The following AFF3 variants were observed in gnomAD, a reference collection of about 807,000 sequenced individuals.
The protein encoded by AFF3 is ALF transcription elongation factor 3, also known as AF4/FMR2 family member 3.
Under a neutral mutation model 129.7 loss-of-function variants are expected in AFF3, and 32 were observed. The ratio of observed to expected loss-of-function variants is 0.25; its 90% CI spans 0.19 to 0.33. The LOEUF (loss-of-function observed/expected upper bound fraction) is 0.33. AFF3 is among the 10% of genes least tolerant of loss of function. The pLI is 1.00. For missense variants in AFF3, 1,373 were observed against 1,592.0 expected (o/e 0.86, Z 2.34); for synonymous variants, 644 against 635.4 (o/e 1.01, Z -0.20).
chr2:100,074,531 T>C (rs989088537), intron 4 of AFF3, among the ~76,000 whole-genome samples: 1 of 152,204 alleles, frequency 6.6e-6, no homozygotes, highest in Non-Finnish European at 1.5e-5. Context: ...TATGAAGCAA[T>C]AAGGTGACTT....
At chr2:99,659,701 T>G (rs569535337) in intron 12 of AFF3, among the ~76,000 whole-genome samples, 16 of 152,080 alleles carry the variant, frequency 1.1e-4, no homozygotes, top group African/African-American at 3.9e-4. Flanking sequence ...CATGTCAGAG[T>G]GACTGGAGCA....
At chr2:99,954,810 A>G (rs1284570746) in intron 7 of AFF3, among the ~76,000 whole-genome samples, 2 of 151,208 alleles carry the variant, frequency 1.3e-5, no homozygotes, top group East Asian at 3.9e-4. Context: ...GATATACCTA[A>G]AGCTAAATGA....
chr2:99,720,094 A>G (rs1678758927), intron 11 of AFF3, among the ~76,000 whole-genome samples: 1 of 152,182 alleles, frequency 6.6e-6, no homozygotes, highest in Admixed American at 6.5e-5. Context: ...TGTAGACCGC[A>G]GGCAGTCTTA....
chr2:99,849,507 A>G (rs1689985572), intron 7 of AFF3, among the ~76,000 whole-genome samples: 1 of 152,182 alleles, frequency 6.6e-6, no homozygotes, highest in Non-Finnish European at 1.5e-5. Context: ...TGATTTCTCT[A>G]GACCATACGT....
At chr2:99,826,033 G>C (rs1452299372) in intron 8 of AFF3, among the ~76,000 whole-genome samples, 4 of 151,854 alleles carry the variant, frequency 2.6e-5, no homozygotes, top group South Asian at 2.1e-4. Context: ...TTAATTTTTT[G>C]AGATGGAGTC....
At chr2:99,865,559 G>A (rs1039190117) in intron 7 of AFF3, among the ~76,000 whole-genome samples, 4 of 152,132 alleles carry the variant, frequency 2.6e-5, no homozygotes, top group African/African-American at 9.7e-5. Flanking sequence ...ATTATATGTA[G>A]GTCCAATGAT....
intron 18 of AFF3, 97 bp downstream of exon 18, chr2:99,578,230 G>T: frequency 6.9e-7 from 1 of 1,457,976 alleles, no homozygotes; most frequent in Non-Finnish European, 9.0e-7. Flanking sequence ...CCGCACTGTA[G>T]CTGAAGGTGG....
At chr2:99,745,385 T>C (rs1681071275) in intron 9 of AFF3, among the ~76,000 whole-genome samples, 1 of 152,212 alleles carries the variant, frequency 6.6e-6, no homozygotes, top group East Asian at 1.9e-4. Flanking sequence ...AAATTTAAAG[T>C]TCTAAAAATT....
At chr2:99,928,110 G>GT (rs1287863225) in intron 7 of AFF3, among the ~76,000 whole-genome samples, 1 of 152,182 alleles carries the variant, frequency 6.6e-6, no homozygotes, top group Non-Finnish European at 1.5e-5. Flanking sequence ...ACGTGGAACT[G>GT]TAAGTCCAAT....
intron 4 of AFF3, among the ~76,000 whole-genome samples, chr2:100,096,742 T>C (rs1690326304): frequency 8.9e-6 from 1 of 112,748 alleles, no homozygotes; most frequent in African/African-American, 3.7e-5. Flanking sequence ...CATACTGACC[T>C]ATGCTCTCAA....
chr2:99,567,117 A>G (rs1322281593), intron 19 of AFF3, among the ~76,000 whole-genome samples: 1 of 148,674 alleles, frequency 6.7e-6, no homozygotes, highest in Admixed American at 6.7e-5. Context: ...ACAGGTGTGC[A>G]CCACCACACC....
intron 12 of AFF3, among the ~76,000 whole-genome samples, chr2:99,654,741 A>G (rs1685593226): frequency 6.6e-6 from 1 of 152,176 alleles, no homozygotes; most frequent in Non-Finnish European, 1.5e-5. Context: ...ACTCCAGTCT[A>G]TGAGACAAAA....
chr2:99,991,562 G>A (rs1183765689), intron 7 of AFF3, among the ~76,000 whole-genome samples: 1 of 152,142 alleles, frequency 6.6e-6, no homozygotes, highest in Non-Finnish European at 1.5e-5. Flanking sequence ...GATGTATAAG[G>A]AGATGAAGAA....
At position 99,806,183 on chromosome 2, in the gene AFF3, C is replaced by T. The variant is rs567537308; in HGVS notation, c.921+31294G>A. ...CGATCAACTTGGTTTCTAGGGTAGT[C>T]CAATTTCAGCAGACTGCTCTAGCAC... On this transcript the variant is annotated intron_variant, in intron 8 of 24. Coordinates refer to ENST00000672756, the MANE Select transcript of AFF3 (RefSeq NM_001386135.1). Among the ~76,000 whole-genome samples, 11 of 152,274 alleles carry T rather than the reference C, an allele frequency of 7.2e-5. No individual in the cohort carries two copies. The East Asian group carries it at 1.5e-3, about 21-fold the overall frequency.
At chr2:100,105,448 C>T (rs1324800019) in intron 3 of AFF3, 56 bp downstream of exon 3, 88 of 1,321,634 alleles carry the variant, frequency 6.7e-5, no homozygotes, top group Non-Finnish European at 4.0e-6. Flanking sequence ...GGTGGTCCCA[C>T]CCACCCTCTA....
chr2:99,810,598 G>A (rs915567498), intron 8 of AFF3, among the ~76,000 whole-genome samples: 6 of 152,188 alleles, frequency 3.9e-5, no homozygotes, highest in Admixed American at 1.3e-4. Context: ...TTTTAAAGTA[G>A]TATCTGAAAT....
chr2:99,557,744 T>C (rs753464606), intron 22 of AFF3, among the ~76,000 whole-genome samples: 16 of 152,130 alleles, frequency 1.1e-4, no homozygotes, highest in Non-Finnish European at 1.9e-4. Context: ...TAGCACCTGG[T>C]TACTCTACAT....
At chr2:99,933,805 T>C (rs559324857) in intron 7 of AFF3, among the ~76,000 whole-genome samples, 2 of 152,302 alleles carry the variant, frequency 1.3e-5, no homozygotes, top group Non-Finnish European at 2.9e-5. Flanking sequence ...GCAATAAACA[T>C]ACATGTACAT....
chr2:99,878,089 T>C (rs988981863), intron 7 of AFF3, among the ~76,000 whole-genome samples: 35 of 152,088 alleles, frequency 2.3e-4, no homozygotes, highest in African/African-American at 7.5e-4. Flanking sequence ...AAGTCCTATG[T>C]TGAAAAAAAA....
Sources: gnomAD v4.1 joint callset for allele counts (sites outside exome capture counted in the v4.1 genomes callset) on GRCh38, gnomAD v4.1.1 for gene constraint, MANE v1.5 for transcripts, NCBI Gene and HGNC (gene_info 2026-07-23, HGNC 2026-07-21) for gene names.